The following TANGO2 variants were observed in gnomAD, a reference collection of about 807,000 sequenced individuals.
The protein encoded by TANGO2 is transport and Golgi organization protein 2 homolog.
TANGO2 carries 26 observed loss-of-function variants against 39.1 expected under a neutral mutation model. That is an observed-to-expected ratio of 0.67 (90% CI 0.49 to 0.92). The LOEUF (loss-of-function observed/expected upper bound fraction) is 0.92, where lower values mean the gene tolerates loss of function less well. Ranked by LOEUF, TANGO2 falls within the 40% of genes least tolerant of loss-of-function variation. The pLI, the probability that TANGO2 is intolerant of heterozygous loss-of-function variation, is 0.00. For missense variants in TANGO2, 326 were observed against 360.1 expected, an observed-to-expected ratio of 0.91 and a Z score of 0.77; for synonymous variants, 131 against 144.5, an observed-to-expected ratio of 0.91 and a Z score of 0.67.
chr22:20,032,989 G>T, intron 1 of TANGO2: 1 of 329,940 alleles, frequency 3.0e-6, no homozygotes, highest in East Asian at 1.1e-4. Flanking sequence ...GTAGGACCTA[G>T]GGAACCTGCA....
chr22:20,057,486 C>A lies in TANGO2; in HGVS notation c.451+1473C>A, dbSNP rs1327010009. ...CTCCTCCACCTGGGGCTTATCCTTC[C>A]GGCCACCCTCTGTGACCCTGGTCTT... On this transcript the variant is annotated intron_variant, in intron 6 of 8. Coordinates refer to ENST00000327374, the MANE Select transcript of TANGO2 (RefSeq NM_152906.7). This position sits in a 1 kb window ranked among gnomAD's most constrained non-coding sequence, Gnocchi z 4.1. 6.6e-6 allele frequency among the ~76,000 whole-genome samples: 1 copy of A among 152,214 alleles called. No homozygotes were observed. Among genetic ancestry groups the A allele is most frequent in the South Asian group, 2.1e-4 (1 of 4,828 alleles).
Position 20,037,002 on chromosome 22 carries a change from C to T in TANGO2, c.56+148C>T, listed in dbSNP as rs183601770. On this transcript the variant is annotated intron_variant, in intron 2 of 8. Transcript: ENST00000327374. ...GGCACTGCCCTCCAGGACAGGGTCA[C>T]TCAGTGTGGGATGCTGTCAGAATGC... The T allele has an allele frequency of 3.9e-3, 6,146 of 1,594,980 alleles. 47 individuals are homozygous for T. Among genetic ancestry groups the T allele is most frequent in the South Asian group, 0.02 (1,781 of 88,714 alleles).
At chr22:20,061,324 C>T (rs1215889725) in intron 6 of TANGO2, 1 of 532,894 alleles carries the variant, frequency 1.9e-6, no homozygotes. Context: ...CCCGCTTCCG[C>T]CTACTGCTGA....
At chr22:20,040,036 G>A (rs966321798) in intron 2 of TANGO2, among the ~76,000 whole-genome samples, 5 of 152,278 alleles carry the variant, frequency 3.3e-5, no homozygotes, top group East Asian at 3.9e-4. Context: ...CTCTCTGGAC[G>A]TGGGGCGCAG....
At chr22:20,038,567 AG>A (rs2043287072) in intron 2 of TANGO2, among the ~76,000 whole-genome samples, 1 of 152,212 alleles carries the variant, frequency 6.6e-6, no homozygotes, top group South Asian at 2.1e-4. Context: ...TGTTGCTGCC[AG>A]GACCTGTCCT....
intron 6 of TANGO2, among the ~76,000 whole-genome samples, chr22:20,060,209 C>T (rs1015113952): frequency 6.6e-5 from 10 of 151,934 alleles, no homozygotes; most frequent in African/African-American, 9.7e-5. Context: ...ATTATCCAGG[C>T]GTGGTGGCGG....
intron 2 of TANGO2, among the ~76,000 whole-genome samples, chr22:20,037,898 C>T (rs2043168534): frequency 6.6e-6 from 1 of 152,052 alleles, no homozygotes; most frequent in Non-Finnish European, 1.5e-5. Context: ...GAGATCCAGA[C>T]CATCCTGGAT....
At chr22:20,061,859 T>C (rs2048450521) in intron 7 of TANGO2, 176 bp downstream of exon 7, 1 of 816,462 alleles carries the variant, frequency 1.2e-6, no homozygotes, top group Non-Finnish European at 1.8e-6. Context: ...AGCTGAGGTT[T>C]CCAACACCAG....
At chr22:20,054,251 G>A (rs1569315969) in intron 5 of TANGO2, 1 of 169,648 alleles carries the variant, frequency 5.9e-6, no homozygotes, top group Non-Finnish European at 1.3e-5. Context: ...TGGAGGCTGG[G>A]AGAGTTGCAG....
intron 2 of TANGO2, among the ~76,000 whole-genome samples, chr22:20,041,209 C>T (rs184033791): frequency 5.3e-5 from 8 of 152,306 alleles, no homozygotes; most frequent in African/African-American, 1.9e-4. Context: ...TGCAGTGGCA[C>T]GATCTCAGCT....
chr22:20,054,077 G>A, intron 5 of TANGO2: 1 of 284,540 alleles, frequency 3.5e-6, no homozygotes, highest in Non-Finnish European at 6.9e-6. Context: ...CAGGCAAACG[G>A]GAAGTGGTCG....
At chr22:20,047,940 T>C (rs951029671) in intron 3 of TANGO2, 2 of 151,988 alleles carry the variant, frequency 1.3e-5, no homozygotes, top group African/African-American at 4.8e-5. Flanking sequence ...TTTTTTTTTT[T>C]TGAGACTGAG....
chr22:20,032,628 C>G (rs1460442071), intron 1 of TANGO2, among the ~76,000 whole-genome samples: 1 of 152,244 alleles, frequency 6.6e-6, no homozygotes, highest in Non-Finnish European at 1.5e-5. Flanking sequence ...AGTGCTGAGC[C>G]CAGGGCAGGG....
At chr22:20,056,251 C>T (rs1447100290) in intron 6 of TANGO2, 1 of 680,494 alleles carries the variant, frequency 1.5e-6, no homozygotes, top group Non-Finnish European at 2.7e-6. Flanking sequence ...CGCCCCTGTT[C>T]TGGGCTTCCC....
intron 3 of TANGO2, among the ~76,000 whole-genome samples, chr22:20,051,483 A>C (rs2046338764): frequency 6.6e-6 from 1 of 151,934 alleles, no homozygotes; most frequent in Non-Finnish European, 1.5e-5. Context: ...GTGAGCCGAG[A>C]GCACACCATT....
At chr22:20,035,393 C>T (rs1479876303) in intron 1 of TANGO2, among the ~76,000 whole-genome samples, 1 of 152,242 alleles carries the variant, frequency 6.6e-6, no homozygotes, top group Non-Finnish European at 1.5e-5. Flanking sequence ...TTGGCTGTCC[C>T]ATGTCCCAGC....
rs1400515797 is a variant in TANGO2 at position 20,066,387 on chromosome 22, A to T, written c.*1725A>T. The T allele has an allele frequency of 6.6e-6, 1 of 152,248 alleles. No homozygotes were observed. The highest frequency in any genetic ancestry group is 1.5e-5 in the Non-Finnish European group (1 of 68,094). The allele number at this position is 152,248 out of a possible 1,614,324, so 9.4% of individuals were successfully genotyped here. On this transcript the variant is annotated 3_prime_UTR_variant, in exon 9 of 9. Transcript: ENST00000327374. ...CCAATGCTGAGACCTAGACTTTTCTAAGCCTCTGCACCCAACCCCTAACTT... is the reference window on the plus strand; with the variant it reads ...CCAATGCTGAGACCTAGACTTTTCTTAGCCTCTGCACCCAACCCCTAACTT...
intron 6 of TANGO2, 27 bp downstream of exon 6, chr22:20,056,040 G>T: frequency 6.3e-7 from 1 of 1,592,182 alleles, no homozygotes; most frequent in Non-Finnish European, 8.6e-7. Context: ...AGCCTGATGG[G>T]GTGGGGGACT....
chr22:20,031,536 C>T (rs1601895537), intron 1 of TANGO2, among the ~76,000 whole-genome samples: 1 of 152,216 alleles, frequency 6.6e-6, no homozygotes, highest in African/African-American at 2.4e-5. Flanking sequence ...CCCACACGGC[C>T]TCCTGTTGTC....
Sources: allele counts gnomAD v4.1 joint callset (sites outside exome capture counted in the v4.1 genomes callset), GRCh38; gene constraint gnomAD v4.1.1; non-coding constraint Gnocchi (gnomAD v3.1); transcripts MANE v1.5; gene names NCBI Gene and HGNC (gene_info 2026-07-23, HGNC 2026-07-21).